The following FNIP1 variants were observed in gnomAD, a reference collection of about 807,000 sequenced individuals.
The protein encoded by FNIP1 is folliculin interacting protein 1, also known as folliculin-interacting protein 1.
In FNIP1, 40 loss-of-function variants were observed where a neutral mutation model predicts 124.5. The ratio of observed to expected loss-of-function variants is 0.32; its 90% CI spans 0.25 to 0.42. The LOEUF is 0.42. Ranked by LOEUF, FNIP1 falls within the 10% of genes least tolerant of loss-of-function variation. The pLI is 1.00. For missense variants in FNIP1, 1,176 were observed against 1,403.7 expected, an observed-to-expected ratio of 0.84 and a Z score of 2.59; for synonymous variants, 472 against 470.6, an observed-to-expected ratio of 1.00 and a Z score of -0.04.
chr5:131,731,894 G>C (rs1770106176), intron 2 of FNIP1, among the ~76,000 whole-genome samples: 1 of 152,122 alleles, frequency 6.6e-6, no homozygotes, highest in South Asian at 2.1e-4. Flanking sequence ...AGGGATGAAA[G>C]GAGAAATGCA....
At chr5:131,742,275 C>T (rs1770536994) in intron 2 of FNIP1, among the ~76,000 whole-genome samples, 1 of 152,140 alleles carries the variant, frequency 6.6e-6, no homozygotes, top group Non-Finnish European at 1.5e-5. Context: ...ACCAGTCTGG[C>T]CAACAAGGCG....
intron 1 of FNIP1, among the ~76,000 whole-genome samples, chr5:131,764,634 G>A (rs1771358358): frequency 6.6e-6 from 1 of 152,006 alleles, no homozygotes; most frequent in Non-Finnish European, 1.5e-5. Flanking sequence ...TAAAAATTAA[G>A]TACACAGTAA....
Position 131,647,220 on chromosome 5 carries a change from G to A in FNIP1, c.3307-15C>T, listed in dbSNP as rs763171666. On this transcript the variant is annotated splice_polypyrimidine_tract_variant and intron_variant, in intron 16 of 17. Coordinates refer to ENST00000510461, the MANE Select transcript of FNIP1 (RefSeq NM_133372.3). ...TGCATTACACACTGCAGTTAGGGAG[G>A]AACCAAGAACCAGGTCAGAAAACAG... 6.3e-7 allele frequency: 1 copy of A among 1,592,324 alleles called. No homozygotes were observed. Among genetic ancestry groups the A allele is most frequent in the South Asian group, 1.1e-5 (1 of 90,546 alleles).
At chr5:131,794,028 C>A (rs952235145) in intron 1 of FNIP1, among the ~76,000 whole-genome samples, 1 of 151,358 alleles carries the variant, frequency 6.6e-6, no homozygotes, top group East Asian at 1.9e-4. Flanking sequence ...AATAAAAAAA[C>A]GATTAAGACA....
intron 1 of FNIP1, among the ~76,000 whole-genome samples, chr5:131,747,119 G>C (rs1264432595): frequency 6.6e-6 from 1 of 151,894 alleles, no homozygotes; most frequent in African/African-American, 2.4e-5. Flanking sequence ...TGTTTATTGG[G>C]GTTGTTTTTT....
intron 1 of FNIP1, among the ~76,000 whole-genome samples, chr5:131,779,107 T>C (rs1320297341): frequency 2.1e-5 from 3 of 142,356 alleles, no homozygotes; most frequent in Non-Finnish European, 4.6e-5. Flanking sequence ...GTAACTAACC[T>C]GCACAATGTG....
chr5:131,750,711 TGA>T (rs1770845697), intron 1 of FNIP1, among the ~76,000 whole-genome samples: 1 of 151,816 alleles, frequency 6.6e-6, no homozygotes, highest in Non-Finnish European at 1.5e-5. Context: ...CTCCTGAGCT[TGA>T]GAGACTCTTG....
chr5:131,741,615 C>A (rs1770515034), intron 2 of FNIP1, among the ~76,000 whole-genome samples: 1 of 152,140 alleles, frequency 6.6e-6, no homozygotes, highest in Non-Finnish European at 1.5e-5. Context: ...AGAAATGGAT[C>A]AATATTCCAC....
rs373896270 is a variant in FNIP1 at position 131,646,971 on chromosome 5, C to G, written c.3422+119G>C. 81 of 803,970 alleles carry G rather than the reference C, an allele frequency of 1.0e-4. No homozygotes were observed. The East Asian group carries it at 1.8e-3, about 18-fold the overall frequency. 49.8% of individuals were successfully genotyped at this position (803,970 alleles called of 1,614,324 possible). On this transcript the variant is annotated intron_variant, in intron 17 of 17. Coordinates refer to ENST00000510461, the MANE Select transcript of FNIP1 (RefSeq NM_133372.3). ...TGGTACAGGGCAACCTAAATGATAA[C>G]AGCCTCCAGCTTCTAATAGGAGAAG...
At chr5:131,727,344 C>CATATATACTT (rs1306192408) in intron 3 of FNIP1, among the ~76,000 whole-genome samples, 1 of 152,118 alleles carries the variant, frequency 6.6e-6, no homozygotes, top group African/African-American at 2.4e-5. Flanking sequence ...GTACTGGGTG[C>CATATATACTT]ATATATACTT....
intron 3 of FNIP1, among the ~76,000 whole-genome samples, chr5:131,730,605 T>C (rs1770049143): frequency 6.6e-6 from 1 of 152,224 alleles, no homozygotes; most frequent in South Asian, 2.1e-4. Context: ...AGTATATTTA[T>C]CTTCATTTTT....
Position 131,796,547 on chromosome 5 carries a change from G to C in FNIP1, c.92+283C>G, listed in dbSNP as rs1772602894. 2.5e-5 allele frequency: 12 copies of C among 480,788 alleles called. 1 individual carries two copies. The South Asian group carries it at 3.2e-4, about 13-fold the overall frequency. 29.8% of individuals were successfully genotyped at this position (480,788 alleles called of 1,614,324 possible). ...CCCAAAGTCTCAGGCCGCGGTGCTA[G>C]GTCCGGAGGAGCAGAGTCGCGCGTG... is the stretch of plus-strand genomic sequence containing the variant. On this transcript the variant is annotated intron_variant, in intron 1 of 17. Transcript: ENST00000510461.
At chr5:131,734,569 A>G (rs1425051462) in intron 2 of FNIP1, among the ~76,000 whole-genome samples, 1 of 152,198 alleles carries the variant, frequency 6.6e-6, no homozygotes, top group African/African-American at 2.4e-5. Flanking sequence ...CATCTGACAA[A>G]GGGCTAATAT....
chr5:131,744,242 T>TA (rs1041052174), intron 2 of FNIP1, among the ~76,000 whole-genome samples: 8 of 151,294 alleles, frequency 5.3e-5, no homozygotes, highest in East Asian at 1.9e-4. Flanking sequence ...TCGAGATAAT[T>TA]AAAAAAAAAT....
intron 15 of FNIP1, among the ~76,000 whole-genome samples, chr5:131,665,171 G>A (rs1342761021): frequency 6.6e-6 from 1 of 152,064 alleles, no homozygotes; most frequent in African/African-American, 2.4e-5. Flanking sequence ...TTTCATTATA[G>A]CCAAAGAAAC....
rs757968556 is a variant in FNIP1, at chr5:131,671,872, T to C, written c.2572A>G (p.Thr858Ala). Reference protein sequence around the residue: ...TIDDVPFKTSTDSKDHCCMLE... With the variant: ...TIDDVPFKTSADSKDHCCMLE... ...ATACAGCAATGGTCTTTACTATCTG[T>C]ACTTGTTTTAAATGGAACATCATCA... is the stretch of plus-strand genomic sequence containing the variant. Residue 858 changes from threonine to alanine, a missense_variant, in exon 14 of 18, where the codon ACA becomes GCA. Thr to Ala is a moderately conservative substitution (Grantham distance 58). Coordinates refer to ENST00000510461, the MANE Select transcript of FNIP1 (RefSeq NM_133372.3). 3.1e-6 allele frequency: 5 copies of C among 1,614,170 alleles called. No individual in the cohort carries two copies. The highest frequency in any genetic ancestry group is 2.2e-5 in the South Asian group (2 of 91,086).
intron 15 of FNIP1, among the ~76,000 whole-genome samples, chr5:131,661,302 C>T (rs1767429793): frequency 6.6e-6 from 1 of 151,342 alleles, no homozygotes; most frequent in South Asian, 2.1e-4. Context: ...GGAAGTCCAG[C>T]AGACCTAACT....
intron 1 of FNIP1, chr5:131,796,500 C>A (rs1480437105): frequency 2.9e-6 from 1 of 347,118 alleles, no homozygotes; most frequent in Non-Finnish European, 5.3e-6. Context: ...CAACTCTACT[C>A]GGTGCCAGGA....
At chr5:131,647,426 T>TTC (rs1368035116) in intron 16 of FNIP1, among the ~76,000 whole-genome samples, 1 of 151,936 alleles carries the variant, frequency 6.6e-6, no homozygotes, top group African/African-American at 2.4e-5. Context: ...CTTTTTTTTT[T>TTC]TTTAACTGTG....
Sources: allele counts gnomAD v4.1 joint callset (sites outside exome capture counted in the v4.1 genomes callset), GRCh38; gene constraint gnomAD v4.1.1; transcripts MANE v1.5; gene names NCBI Gene and HGNC (gene_info 2026-07-23, HGNC 2026-07-21).